CA10: variants seen among roughly 807,000 people sequenced by gnomAD.
CA10 encodes the protein carbonic anhydrase 10 (inactive), also known as carbonic anhydrase-related protein 10.
A neutral mutation model predicts 44.2 loss-of-function variants in CA10; 14 were observed. That is an observed-to-expected ratio of 0.32 (90% CI 0.21 to 0.50). The LOEUF (loss-of-function observed/expected upper bound fraction) is 0.50. Ranked by LOEUF, CA10 falls within the 20% of genes least tolerant of loss-of-function variation. The pLI, the probability that CA10 is intolerant of heterozygous loss-of-function variation, is 0.99. For missense variants in CA10, 350 were observed against 409.7 expected (o/e 0.85, Z 1.26); for synonymous variants, 159 against 141.6 (o/e 1.12, Z -0.87).
At chr17:51,686,207 G>T (rs575985017) in intron 4 of CA10, among the ~76,000 whole-genome samples, 1 of 152,152 alleles carries the variant, frequency 6.6e-6, no homozygotes, top group Non-Finnish European at 1.5e-5. Flanking sequence ...CGTGTAAGAC[G>T]TGACTTTGCT....
At chr17:51,770,756 G>A (rs1366345727) in intron 3 of CA10, among the ~76,000 whole-genome samples, 2 of 152,096 alleles carry the variant, frequency 1.3e-5, no homozygotes, top group Non-Finnish European at 2.9e-5. Context: ...AGGGCAAAGA[G>A]GGAGCAGGCA....
At chr17:52,044,918 TCATGGCCAAA>T (rs1286300741) in intron 2 of CA10, among the ~76,000 whole-genome samples, 1 of 151,274 alleles carries the variant, frequency 6.6e-6, no homozygotes, top group African/African-American at 2.4e-5. Flanking sequence ...TGTGAAGAAA[TCATGGCCAAA>T]TCTTTCCAAA....
chr17:52,134,918 CTG>C (rs758875802), intron 1 of CA10: 2 of 519,070 alleles, frequency 3.9e-6, no homozygotes, highest in Non-Finnish European at 7.7e-6. Flanking sequence ...TCATCAGGCT[CTG>C]TGAATCCACA....
At chr17:52,112,074 T>A (rs1441340378) in intron 1 of CA10, among the ~76,000 whole-genome samples, 1 of 152,054 alleles carries the variant, frequency 6.6e-6, no homozygotes, top group African/African-American at 2.4e-5. Flanking sequence ...GCCTAAAGAC[T>A]AGTTGTTGAA....
chr17:52,013,258 T>C (rs1289701381), intron 2 of CA10, among the ~76,000 whole-genome samples: 2 of 151,866 alleles, frequency 1.3e-5, no homozygotes, highest in African/African-American at 4.8e-5. Flanking sequence ...ATTAAATTGA[T>C]AATGTATGCT....
chr17:51,705,623 GA>G (rs953013482), intron 4 of CA10, among the ~76,000 whole-genome samples: 25 of 149,118 alleles, frequency 1.7e-4, no homozygotes, highest in Middle Eastern at 3.4e-3. Context: ...TAATTCACTT[GA>G]AAAAAAAAAT....
chr17:51,883,872 G>A (rs922952101), intron 3 of CA10, among the ~76,000 whole-genome samples: 1 of 151,932 alleles, frequency 6.6e-6, no homozygotes, highest in African/African-American at 2.4e-5. Flanking sequence ...CTCCTATTTG[G>A]GGTCTCCACT....
chr17:52,151,182 CT>C (rs1434853963), intron 1 of CA10, among the ~76,000 whole-genome samples: 1 of 152,146 alleles, frequency 6.6e-6, no homozygotes, highest in Non-Finnish European at 1.5e-5. Context: ...AAGGTCTAAT[CT>C]TATTGTGGTT....
At chr17:52,055,403 T>C (rs1987200488) in intron 2 of CA10, among the ~76,000 whole-genome samples, 1 of 148,128 alleles carries the variant, frequency 6.8e-6, no homozygotes, top group Non-Finnish European at 1.5e-5. Flanking sequence ...AACTATAAAG[T>C]GAATTTAAAT....
chr17:51,795,239 A>G (rs1307308809), intron 3 of CA10, among the ~76,000 whole-genome samples: 3 of 151,428 alleles, frequency 2.0e-5, no homozygotes, highest in Non-Finnish European at 4.4e-5. Flanking sequence ...GGCTTGATCC[A>G]TACTCAAAGC....
intron 1 of CA10, among the ~76,000 whole-genome samples, chr17:52,074,618 G>GCT (rs1987769887): frequency 6.6e-6 from 1 of 152,162 alleles, no homozygotes; most frequent in Non-Finnish European, 1.5e-5. Context: ...CTCAAATTTT[G>GCT]TTACATTAAG....
At chr17:52,108,699 CAAAAAAAAAAAAAA>C (rs759411898) in intron 1 of CA10, among the ~76,000 whole-genome samples, 3 of 91,860 alleles carry the variant, frequency 3.3e-5, no homozygotes, top group Admixed American at 1.2e-4. Flanking sequence ...GACTCCGTCT[CAAAAAAAAAAAAAA>C]AAAAAAAAAA....
chr17:51,655,436 A>T (rs887079410), intron 4 of CA10, among the ~76,000 whole-genome samples: 1 of 152,258 alleles, frequency 6.6e-6, no homozygotes, highest in African/African-American at 2.4e-5. Context: ...GAATTGCATT[A>T]AAAAAGGTGA....
At chr17:51,848,970 C>A (rs1437619271) in intron 3 of CA10, among the ~76,000 whole-genome samples, 1 of 151,498 alleles carries the variant, frequency 6.6e-6, no homozygotes, top group African/African-American at 2.4e-5. Flanking sequence ...TTCTTGAGCC[C>A]AGGAGGCCGA....
At chr17:51,711,100 A>G (rs934610232) in intron 4 of CA10, among the ~76,000 whole-genome samples, 2 of 152,126 alleles carry the variant, frequency 1.3e-5, no homozygotes, top group African/African-American at 4.8e-5. Context: ...AACGCGACGT[A>G]TAAAAGGATG....
At position 51,984,499 on chromosome 17, in the gene CA10, A is replaced by T. The variant is rs936704039; in HGVS notation, c.137-53367T>A. Among the ~76,000 whole-genome samples, 12 of 152,008 alleles carry T rather than the reference A, an allele frequency of 7.9e-5. 1 individual carries two copies. The Middle Eastern group carries it at 0.02, about 259-fold the overall frequency. On this transcript the variant is annotated intron_variant, in intron 2 of 8. Coordinates refer to ENST00000451037, the MANE Select transcript of CA10 (RefSeq NM_020178.5). The stretch of plus-strand genomic sequence containing the variant: ...CCAAACCCAACAGAAAAAAGGAATA[A>T]CCAAGATCACAGCAGAACTAAATAA...
At chr17:51,775,457 G>C (rs1905783751) in intron 3 of CA10, among the ~76,000 whole-genome samples, 1 of 152,158 alleles carries the variant, frequency 6.6e-6, no homozygotes, top group South Asian at 2.1e-4. Flanking sequence ...CAGGGTACAA[G>C]GGGGGTGGGT....
At chr17:51,805,389 T>C (rs1039879412) in intron 3 of CA10, among the ~76,000 whole-genome samples, 1 of 152,134 alleles carries the variant, frequency 6.6e-6, no homozygotes, top group Non-Finnish European at 1.5e-5. Flanking sequence ...GAGTAAACAA[T>C]TGAGTAACGA....
intron 4 of CA10, 90 bp from the exon 5 acceptor site, chr17:51,653,826 C>CA: frequency 1.3e-6 from 1 of 749,098 alleles, no homozygotes; most frequent in Non-Finnish European, 2.4e-6. Flanking sequence ...GGGTGAACTG[C>CA]AAAGTATATT....
Sources: allele counts gnomAD v4.1 joint callset (sites outside exome capture counted in the v4.1 genomes callset), GRCh38; gene constraint gnomAD v4.1.1; transcripts MANE v1.5; gene names NCBI Gene and HGNC (gene_info 2026-07-23, HGNC 2026-07-21).